ZNF683: variants seen among roughly 807,000 people sequenced by gnomAD.
ZNF683 encodes the protein tissue-resident T-cell transcription regulator protein ZNF683.
Under a neutral mutation model 31.4 loss-of-function variants are expected in ZNF683, and 20 were observed. The ratio of observed to expected loss-of-function variants is 0.64; its 90% CI spans 0.45 to 0.93. The LOEUF (loss-of-function observed/expected upper bound fraction) is 0.93, where lower values mean the gene tolerates loss of function less well. Among genes scored for constraint, ZNF683 ranks in the 40% least tolerant of loss-of-function variants. The pLI is 0.00. For missense variants in ZNF683, 621 were observed against 637.2 expected (o/e 0.97, Z 0.27); for synonymous variants, 264 against 267.6 (o/e 0.99, Z 0.13).
upstream of ZNF683, chr1:26,374,212 G>A: frequency 7.7e-7 from 1 of 1,297,682 alleles, no homozygotes; most frequent in Non-Finnish European, 1.0e-6. Flanking sequence ...TGTCTTGCTG[G>A]GAATCACAGG....
At chr1:26,370,084 C>T (rs1026130934) in intron 1 of ZNF683, among the ~76,000 whole-genome samples, 3 of 152,142 alleles carry the variant, frequency 2.0e-5, no homozygotes, top group Admixed American at 6.5e-5. Flanking sequence ...AAGGCCCTCA[C>T]GGAGCTTACT....
chr1:26,374,425 C>T, upstream of ZNF683: 1 of 1,202,776 alleles, frequency 8.3e-7, no homozygotes, highest in Non-Finnish European at 1.1e-6. Flanking sequence ...TGAAAGCTCC[C>T]TGGCTTGGCT....
intron 1 of ZNF683, among the ~76,000 whole-genome samples, chr1:26,369,319 G>T (rs2074607945): frequency 6.6e-6 from 1 of 152,232 alleles, no homozygotes; most frequent in South Asian, 2.1e-4. Context: ...GAGGTCAGGA[G>T]TTCGAGACCA....
rs201778273 is a variant in ZNF683, at chr1:26,361,962, C to G, written c.1204G>C (p.Gly402Arg). 4.3e-6 allele frequency: 7 copies of G among 1,613,966 alleles called. No homozygotes were observed. In the Admixed American group the frequency reaches 6.7e-5, roughly 15 times the overall value. Residue 402 changes from glycine (G) to arginine (R), a missense_variant, in exon 6 of 6, where the codon GGG becomes CGG. By Grantham distance (125) the Gly-to-Arg change is moderately radical (BLOSUM62 -2). Transcript: ENST00000349618. ...NLKTHLRLHS[G>R]ARPFQCSVCR... ...ACACTGCACTGGAAGGGCCGGGCCC[C>G]GGAGTGCAGGCGCAGGTGGGTCTTG...
intron 1 of ZNF683, among the ~76,000 whole-genome samples, chr1:26,371,703 G>A (rs554831844): frequency 4.0e-5 from 6 of 150,126 alleles, no homozygotes; most frequent in Non-Finnish European, 8.9e-5. Context: ...AGGCTGAGGT[G>A]GGCCAACTGC....
intron 5 of ZNF683, 126 bp downstream of exon 5, chr1:26,362,899 AC>A: frequency 2.3e-6 from 3 of 1,295,236 alleles, no homozygotes; most frequent in Non-Finnish European, 3.1e-6. Context: ...TTCAATTTTC[AC>A]TCCCCCTTCC....
intron 5 of ZNF683, 122 bp from the exon 6 acceptor site, chr1:26,362,144 T>C (rs113776852): frequency 1.1e-5 from 17 of 1,610,518 alleles, no homozygotes; most frequent in African/African-American, 6.7e-5. Flanking sequence ...CTGGAAGCTT[T>C]TCCAGTGATT....
chr1:26,366,603 CATAGAA>C (rs2074529341), intron 3 of ZNF683, among the ~76,000 whole-genome samples: 1 of 152,046 alleles, frequency 6.6e-6, no homozygotes, highest in Non-Finnish European at 1.5e-5. Context: ...TGTCCAAGTC[CATAGAA>C]ATAGAAAGGG....
Position 26,364,831 on chromosome 1 carries a change from T to C in ZNF683, c.715A>G (p.Met239Val), listed in dbSNP as rs755714700. The C allele has an allele frequency of 6.4e-7, 1 of 1,574,478 alleles. No homozygotes were observed. The highest frequency in any genetic ancestry group is 8.6e-7 in the Non-Finnish European group (1 of 1,160,490). ...CTGGGGTGCCCCAGCTCATTGACCA[T>C]CATCAGCAGGCTAGGCATAGCCATG... ...PTMAMPSLLM[M>V]VNELGHPSAR... is the part of the protein sequence containing the mutation. Residue 239 changes from methionine to valine, a missense_variant, in exon 4 of 6, where the codon ATG (methionine) becomes GTG (valine). Physicochemically the swap from Met to Val is conservative, Grantham distance 21 (BLOSUM62 1). Transcript: ENST00000349618.
Position 26,363,040 on chromosome 1 carries a change from G to A in ZNF683, c.1129C>T (p.Pro377Ser), listed in dbSNP as rs1332149311. ...KHHLVHTGER[P>S]HKCSVCHKRF... Reference sequence around the variant, plus strand: ...AAGGATCTCACCGAGCACTTGTGGGGCCGCTCCCCAGTGTGCACCAGGTGG... The same window carrying A: ...AAGGATCTCACCGAGCACTTGTGGGACCGCTCCCCAGTGTGCACCAGGTGG... The change falls in exon 5 of 6, where the codon CCC (proline) becomes TCC (serine). Residue 377 changes from proline to serine, a missense_variant. By Grantham distance (74) the Pro-to-Ser change is moderately conservative. Transcript: ENST00000349618. 2.5e-6 allele frequency: 4 copies of A among 1,610,968 alleles called. No homozygotes were observed.
rs572193263 is a variant in ZNF683, at chr1:26,368,513, C to A, written c.59G>T (p.Gly20Val). The A allele has an allele frequency of 3.1e-6, 5 of 1,605,338 alleles. No individual in the cohort carries two copies. The African/African-American group carries it at 6.7e-5, about 21-fold the overall frequency. The change falls in exon 2 of 6, where the codon GGT becomes GTT. Residue 20 changes from glycine to valine, a missense_variant. Transcript: ENST00000349618. ...GCTGGGGGACAGGGAGCCCCCTGTA[C>A]CTCCCAGGGCCATGGGCCTATGACA... ...GCCHRPMALG[G>V]TGGSLSPSLD...
At chr1:26,371,499 C>A (rs1185967395) in intron 1 of ZNF683, among the ~76,000 whole-genome samples, 1 of 152,006 alleles carries the variant, frequency 6.6e-6, no homozygotes, top group Non-Finnish European at 1.5e-5. Context: ...ACTCAGGAGG[C>A]TGAGGCAGGA....
intron 3 of ZNF683, among the ~76,000 whole-genome samples, chr1:26,367,126 G>T (rs747451329): frequency 1.3e-5 from 2 of 152,074 alleles, no homozygotes; most frequent in African/African-American, 2.4e-5. Context: ...TTAGCCGGGG[G>T]TGGTGGCGCA....
Position 26,362,034 on chromosome 1 carries a change from G to A in ZNF683, c.1144-12C>T, listed in dbSNP as rs749442197. On this transcript the variant is annotated splice_polypyrimidine_tract_variant and intron_variant, in intron 5 of 5. Coordinates refer to ENST00000349618, the MANE Select transcript of ZNF683 (RefSeq NM_001114759.3). ...CGCTTGTGGCACACCTGACGGGAAC[G>A]AGCACTGGCATCAGCTTTGTCCTCT... 4 of 1,613,874 alleles carry A rather than the reference G, an allele frequency of 2.5e-6. No homozygotes were observed. Among genetic ancestry groups the A allele is most frequent in the East Asian group, 2.2e-5 (1 of 44,888 alleles).
intron 3 of ZNF683, among the ~76,000 whole-genome samples, chr1:26,366,365 A>AG (rs2074523520): frequency 6.8e-6 from 1 of 146,730 alleles, no homozygotes; most frequent in Non-Finnish European, 1.5e-5. Context: ...AAAAAAAAAA[A>AG]GCAAGTTGTC....
At chr1:26,372,771 T>A (rs1475572901), upstream of ZNF683, 1 of 1,200,614 alleles carries the variant, frequency 8.3e-7, no homozygotes, top group African/African-American at 1.6e-5. Context: ...TTGTGCTACC[T>A]CCCCAGGGCA....
chr1:26,361,656 T>C lies in ZNF683; in HGVS notation c.1510A>G (p.Asn504Asp). 1 of 1,599,282 alleles carries C rather than the reference T, an allele frequency of 6.3e-7. No individual in the cohort carries two copies. The highest frequency in any genetic ancestry group is 8.5e-7 in the Non-Finnish European group (1 of 1,171,990). The change falls in exon 6 of 6, where the codon AAT becomes GAT. Residue 504 changes from asparagine to aspartate, a missense_variant. By Grantham distance (23) the Asn-to-Asp change is conservative. Transcript: ENST00000349618. ...TPLVMGQDQN[N>D] ...GCATGACAGAAGAAACATTTTTAAT[T>C]GTTCTGGTCCTGCCCCATCACCAGG...
chr1:26,361,803 C>A lies in ZNF683; in HGVS notation c.1363G>T (p.Ala455Ser), dbSNP rs1167895185. 6.2e-7 allele frequency: 1 copy of A among 1,613,908 alleles called. No homozygotes were observed. The highest frequency in any genetic ancestry group is 8.5e-7 in the Non-Finnish European group (1 of 1,179,910). The change falls in exon 6 of 6, where the codon GCA becomes TCA. Residue 455 changes from alanine to serine, a missense_variant. Physicochemically the swap from Ala to Ser is moderately conservative, Grantham distance 99 (BLOSUM62 1). Coordinates refer to ENST00000349618, the MANE Select transcript of ZNF683 (RefSeq NM_001114759.3). Reference sequence around the variant, plus strand: ...GATGCCACCGCCATAAGATCTAGTGCCCCCTGGTGCCATTGGGCAAGGCAG... The same window carrying A: ...GATGCCACCGCCATAAGATCTAGTGACCCCTGGTGCCATTGGGCAAGGCAG... ...LACLAQWHQG[A>S]LDLMAVASEK...
At chr1:26,370,737 G>T in intron 1 of ZNF683, 1 of 985,608 alleles carries the variant, frequency 1.0e-6, no homozygotes, top group Non-Finnish European at 1.2e-6. Flanking sequence ...ACAGCTGCCT[G>T]TGGCTGAGGC....
Sources: gnomAD v4.1 joint callset for allele counts (sites outside exome capture counted in the v4.1 genomes callset) on GRCh38, gnomAD v4.1.1 for gene constraint, MANE v1.5 for transcripts, NCBI Gene and HGNC (gene_info 2026-07-23, HGNC 2026-07-21) for gene names.